GABRB1: variants seen among roughly 807,000 people sequenced by gnomAD.
GABRB1 encodes the protein gamma-aminobutyric acid type A receptor subunit beta1, also known as gamma-aminobutyric acid receptor subunit beta-1.
GABRB1 carries 17 observed loss-of-function variants against 51.6 expected under a neutral mutation model. The ratio of observed to expected loss-of-function variants is 0.33; its 90% CI spans 0.23 to 0.49. The LOEUF (loss-of-function observed/expected upper bound fraction) is 0.49, where lower values mean the gene tolerates loss of function less well. Among genes scored for constraint, GABRB1 ranks in the 20% least tolerant of loss-of-function variants. The probability of loss-of-function intolerance (pLI) is 0.99; values close to 1 mark genes in which losing one functional copy is unlikely to be tolerated. For synonymous variants in GABRB1, 247 were observed against 218.9 expected (o/e 1.13, Z -1.14); for missense variants, 410 against 600.6 (o/e 0.68, Z 3.32).
intron 5 of GABRB1, among the ~76,000 whole-genome samples, chr4:47,369,238 A>T (rs1468865808): frequency 6.6e-6 from 1 of 152,184 alleles, no homozygotes. Flanking sequence ...TGGACAGAGG[A>T]TAGGACTGGG....
chr4:47,311,290 T>C (rs2109952627), intron 4 of GABRB1, among the ~76,000 whole-genome samples: 1 of 148,842 alleles, frequency 6.7e-6, no homozygotes, highest in South Asian at 2.1e-4. Flanking sequence ...TTCATGCTTG[T>C]AATCCCAGCT....
chr4:47,004,329 T>C (rs1724321014), intron 1 of GABRB1, among the ~76,000 whole-genome samples: 1 of 152,204 alleles, frequency 6.6e-6, no homozygotes, highest in Non-Finnish European at 1.5e-5. Flanking sequence ...CTTTAATTTT[T>C]CCCAGTGGTT....
At chr4:47,077,919 AT>A (rs1346735973) in intron 3 of GABRB1, among the ~76,000 whole-genome samples, 1 of 131,914 alleles carries the variant, frequency 7.6e-6, no homozygotes, top group Non-Finnish European at 1.6e-5. Flanking sequence ...TATATTATAT[AT>A]TTTATATATA....
chr4:47,261,116 C>A (rs192584321), intron 4 of GABRB1, among the ~76,000 whole-genome samples: 98 of 152,202 alleles, frequency 6.4e-4, no homozygotes, highest in Non-Finnish European at 1.0e-3. Flanking sequence ...AAAAACTGGA[C>A]GCATTCCCTT....
At chr4:47,012,519 G>C (rs76543008) in intron 1 of GABRB1, among the ~76,000 whole-genome samples, 3 of 152,130 alleles carry the variant, frequency 2.0e-5, no homozygotes, top group African/African-American at 7.2e-5. Flanking sequence ...CCCTACAAAG[G>C]CTTTTTATAT....
At chr4:47,184,102 G>T (rs746147203) in intron 4 of GABRB1, among the ~76,000 whole-genome samples, 1 of 151,776 alleles carries the variant, frequency 6.6e-6, no homozygotes, top group African/African-American at 2.4e-5. Flanking sequence ...CACCTCTAAA[G>T]GCTAGTGACC....
chr4:47,247,081 G>T (rs1212241474), intron 4 of GABRB1, among the ~76,000 whole-genome samples: 1 of 151,978 alleles, frequency 6.6e-6, no homozygotes, highest in Non-Finnish European at 1.5e-5. Flanking sequence ...TGGGTTCTTG[G>T]TCATGAAATC....
At chr4:47,171,892 G>C (rs1487050213) in intron 4 of GABRB1, among the ~76,000 whole-genome samples, 1 of 152,054 alleles carries the variant, frequency 6.6e-6, no homozygotes, top group Non-Finnish European at 1.5e-5. Flanking sequence ...ATGTATCCCA[G>C]ATTGTGAAAT....
At chr4:47,218,644 G>T (rs974595603) in intron 4 of GABRB1, among the ~76,000 whole-genome samples, 3 of 151,778 alleles carry the variant, frequency 2.0e-5, no homozygotes, top group Admixed American at 2.0e-4. Flanking sequence ...TTTGAGAAAT[G>T]TCTATTCAGA....
At chr4:47,261,097 T>A (rs1029873131) in intron 4 of GABRB1, among the ~76,000 whole-genome samples, 2 of 152,324 alleles carry the variant, frequency 1.3e-5, no homozygotes, top group East Asian at 3.9e-4. Context: ...AATATCATAC[T>A]GAATGGGCAA....
chr4:47,348,940 G>A (rs549422877), intron 5 of GABRB1, among the ~76,000 whole-genome samples: 2 of 152,136 alleles, frequency 1.3e-5, no homozygotes, highest in Non-Finnish European at 2.9e-5. Context: ...ACTTGGTAAA[G>A]TATACAATAT....
intron 3 of GABRB1, among the ~76,000 whole-genome samples, chr4:47,139,219 C>T (rs1345165015): frequency 6.6e-6 from 1 of 151,934 alleles, no homozygotes; most frequent in East Asian, 1.9e-4. Flanking sequence ...GACTGGGATG[C>T]CTCTAAAACA....
chr4:47,292,745 G>A (rs1723796950), intron 4 of GABRB1, among the ~76,000 whole-genome samples: 1 of 152,206 alleles, frequency 6.6e-6, no homozygotes, highest in South Asian at 2.1e-4. Flanking sequence ...GGAGGGCCTG[G>A]CATCTGGCAA....
chr4:47,201,761 T>C (rs1719905138), intron 4 of GABRB1, among the ~76,000 whole-genome samples: 1 of 152,186 alleles, frequency 6.6e-6, no homozygotes, highest in Admixed American at 6.6e-5. Context: ...GATATAACCC[T>C]ATTTATCATA....
Position 47,417,917 on chromosome 4 carries a change from G to A in GABRB1, c.1081-7757G>A, listed in dbSNP as rs1728980724. On this transcript the variant is annotated intron_variant, in intron 8 of 8. Coordinates refer to ENST00000295454, the MANE Select transcript of GABRB1 (RefSeq NM_000812.4). ...TATACTTATATATTGAAAATATCCA[G>A]AGCAGTTCAATTCAGTGAGTGGCAA... Among the ~76,000 whole-genome samples the A allele has an allele frequency of 2.0e-5, 3 of 152,144 alleles. No homozygotes were observed. In the South Asian group the frequency reaches 6.2e-4, roughly 31 times the overall value.
At chr4:47,216,825 T>C (rs974174829) in intron 4 of GABRB1, among the ~76,000 whole-genome samples, 39 of 151,960 alleles carry the variant, frequency 2.6e-4, no homozygotes, top group Admixed American at 5.9e-4. Flanking sequence ...CTTGAATTTA[T>C]GCATGCTTCA....
At chr4:47,364,914 A>G (rs1168384390) in intron 5 of GABRB1, among the ~76,000 whole-genome samples, 1 of 152,230 alleles carries the variant, frequency 6.6e-6, no homozygotes, top group Non-Finnish European at 1.5e-5. Flanking sequence ...TAAAGAATGA[A>G]GCAGAACAAA....
chr4:47,317,793 T>A (rs941496988), intron 4 of GABRB1, among the ~76,000 whole-genome samples: 2 of 151,748 alleles, frequency 1.3e-5, no homozygotes, highest in Admixed American at 6.6e-5. Flanking sequence ...GCTGATAGTT[T>A]AGCGCAAATG....
At chr4:47,045,052 G>C (rs562732878) in intron 3 of GABRB1, among the ~76,000 whole-genome samples, 21 of 152,188 alleles carry the variant, frequency 1.4e-4, no homozygotes, top group Non-Finnish European at 2.9e-4. Context: ...CTTAGCCTAA[G>C]GGTTAGGGTT....
Sources: allele counts gnomAD v4.1 joint callset (sites outside exome capture counted in the v4.1 genomes callset), GRCh38; gene constraint gnomAD v4.1.1; transcripts MANE v1.5; gene names NCBI Gene and HGNC (gene_info 2026-07-23, HGNC 2026-07-21).